Variants in LRP4 observed in about 807,000 individuals in gnomAD.
The protein encoded by LRP4 is low-density lipoprotein receptor-related protein 4.
In LRP4, 95 loss-of-function variants were observed where a neutral mutation model predicts 220.3. The ratio of observed to expected loss-of-function variants is 0.43; its 90% confidence interval spans 0.37 to 0.51. The LOEUF (loss-of-function observed/expected upper bound fraction) is 0.51. Ranked by LOEUF, LRP4 falls within the 20% of genes least tolerant of loss-of-function variation. LRP4 has a pLI of 0.00. For synonymous variants in LRP4, 903 were observed against 954.6 expected, an observed-to-expected ratio of 0.95 and a Z score of 1.00; for missense variants, 1,925 against 2,567.0, an observed-to-expected ratio of 0.75 and a Z score of 5.40.
intron 1 of LRP4, among the ~76,000 whole-genome samples, chr11:46,903,223 A>C (rs1306861059): frequency 4.6e-5 from 7 of 152,202 alleles, no homozygotes. Flanking sequence ...GGCTAGGCAC[A>C]GTGGCTCATA....
At chr11:46,885,299 G>A (rs1226863577) in intron 18 of LRP4, among the ~76,000 whole-genome samples, 2 of 152,116 alleles carry the variant, frequency 1.3e-5, no homozygotes, top group Non-Finnish European at 1.5e-5. Context: ...GCCCAGCCCT[G>A]ATTCAGTAAG....
chr11:46,863,064 A>G (rs1218921747), intron 36 of LRP4: 10 of 372,646 alleles, frequency 2.7e-5, no homozygotes, highest in African/African-American at 1.2e-4. Context: ...AAGTTGTCCT[A>G]TGGAGAGGCC....
In LRP4 at chr11:46,868,709, G is replaced by C; in HGVS notation, c.4842C>G (p.Thr1614=). 3 of 1,607,492 alleles carry C rather than the reference G, an allele frequency of 1.9e-6. No homozygotes were observed. Among genetic ancestry groups the C allele is most frequent in the Non-Finnish European group, 2.6e-6 (3 of 1,173,900 alleles). The change falls in exon 33 of 38, where the codon ACC becomes ACG. Residue 1614 remains threonine, a synonymous_variant. Transcript: ENST00000378623. ...CACCATTGTTCACACCACAGGCATT[G>C]GTCCCTGGAGGCAAAGTAGATGAAT... ...IVVSPQRQTG[T]NACGVNNGGC... is the part of the protein sequence containing the mutation.
intron 15 of LRP4, 118 bp downstream of exon 15, chr11:46,889,826 T>A: frequency 8.4e-7 from 1 of 1,190,626 alleles, no homozygotes; most frequent in Non-Finnish European, 1.2e-6. Flanking sequence ...GTCAGTGCCC[T>A]GCTGGATTTC....
intron 2 of LRP4, 52 bp downstream of exon 2, chr11:46,902,731 C>T: frequency 3.1e-6 from 5 of 1,609,514 alleles, no homozygotes; most frequent in Middle Eastern, 1.8e-4. Context: ...CCTTGCCCCC[C>T]ACCCCCAGGT....
At chr11:46,901,982 C>T (rs1941674962) in intron 2 of LRP4, among the ~76,000 whole-genome samples, 2 of 151,880 alleles carry the variant, frequency 1.3e-5, no homozygotes, top group Admixed American at 6.5e-5. Flanking sequence ...ATCTGCCCAC[C>T]TCAGCCTCCC....
intron 2 of LRP4, 45 bp downstream of exon 2, chr11:46,902,738 A>C: frequency 1.9e-6 from 3 of 1,604,970 alleles, no homozygotes; most frequent in Non-Finnish European, 2.6e-6. Flanking sequence ...CCCCACCCCC[A>C]GGTCCCTCTC....
Position 46,896,347 on chromosome 11 carries a change from G to T in LRP4, c.923-12C>A, listed in dbSNP as rs763476600. ...ACATTGGGGGCTTCCTAGAGAGATGGAGGGTCAGGTCATAGCAAGGCAGGG... is the reference window on the plus strand; with the variant it reads ...ACATTGGGGGCTTCCTAGAGAGATGTAGGGTCAGGTCATAGCAAGGCAGGG... On this transcript the variant is annotated splice_polypyrimidine_tract_variant and intron_variant, in intron 8 of 37. Transcript: ENST00000378623. The T allele has an allele frequency of 6.2e-7, 1 of 1,613,018 alleles. No individual in the cohort carries two copies. The highest frequency in any genetic ancestry group is 1.1e-5 in the South Asian group (1 of 91,070).
intron 34 of LRP4, 149 bp from the exon 35 acceptor site, chr11:46,865,335 A>G: frequency 1.4e-6 from 1 of 704,452 alleles, no homozygotes; most frequent in East Asian, 2.7e-5. Context: ...GGAGAGGGCA[A>G]CAACAGGAAA....
intron 36 of LRP4, 55 bp from the exon 37 acceptor site, chr11:46,862,802 T>C: frequency 6.5e-7 from 1 of 1,533,496 alleles, no homozygotes; most frequent in Non-Finnish European, 9.0e-7. Flanking sequence ...GGATGATACC[T>C]GGGAAAGCTG....
rs1224119774 is a variant in LRP4, at chr11:46,862,606, CTCTT to C, written c.5381_5384del (p.Lys1794ArgfsTer16). 4 of 1,613,922 alleles carry C rather than the reference CTCTT, an allele frequency of 2.5e-6. No individual in the cohort carries two copies. Among genetic ancestry groups the C allele is most frequent in the Non-Finnish European group, 3.4e-6 (4 of 1,179,984 alleles). On this transcript the variant is annotated frameshift_variant and splice_region_variant, in exon 37 of 38. Transcript: ENST00000378623. LOFTEE classifies it high-confidence loss of function. ...CTTGAATATAAATTTCAATTTTTAC[CTCTT>C]TCTTATAGCACAGCTGGTTGTACAT...
chr11:46,868,752 A>G, intron 32 of LRP4, 39 bp from the exon 33 acceptor site: 5 of 1,459,584 alleles, frequency 3.4e-6, no homozygotes, highest in Non-Finnish European at 3.8e-6. Context: ...CTGGGACAGA[A>G]TCAGGTCTCC....
In LRP4 at chr11:46,876,685, G is replaced by A. The variant is rs1443064311; in HGVS notation, c.3365-48C>T. 2.5e-6 allele frequency: 4 copies of A among 1,614,002 alleles called. No homozygotes were observed. The South Asian group carries it at 4.4e-5, about 18-fold the overall frequency. ...ACTGGCTCCTATTTTAAAACAGATG[G>A]GCTATTTCCCCAGCCCTGTTGCCAG... On this transcript the variant is annotated intron_variant, in intron 24 of 37. Coordinates refer to ENST00000378623, the MANE Select transcript of LRP4 (RefSeq NM_002334.4).
chr11:46,870,888 T>C (rs1940844702), intron 31 of LRP4, among the ~76,000 whole-genome samples: 2 of 152,242 alleles, frequency 1.3e-5, no homozygotes, highest in Non-Finnish European at 2.9e-5. Flanking sequence ...GGTACTATGC[T>C]AATGCTTTGT....
Position 46,864,524 on chromosome 11 carries a change from G to A in LRP4, c.5167C>T (p.His1723Tyr), listed in dbSNP as rs778710722. The change falls in exon 36 of 38, where the codon CAT (histidine) becomes TAT (tyrosine). Residue 1723 changes from histidine (H) to tyrosine (Y), a missense_variant. His to Tyr is a moderately conservative substitution (Grantham distance 83, BLOSUM62 2). This residue lies in a region of LRP4 where 1,244 missense variants were observed against 1,624.9 expected (regional missense o/e 0.77). Transcript: ENST00000378623. ...AVPAAPGEGL[H>Y]ISYAIGGLLS... ...AGTCCACCAATGGCGTAGCTGATAT[G>A]AAGTCCTTCCCCTAGGAAGAATAGA... 1.2e-6 allele frequency: 2 copies of A among 1,611,950 alleles called. No homozygotes were observed. The highest frequency in any genetic ancestry group is 4.5e-5 in the East Asian group (2 of 44,868).
intron 36 of LRP4, 146 bp from the exon 37 acceptor site, chr11:46,862,893 C>T: frequency 1.4e-6 from 1 of 721,848 alleles, no homozygotes; most frequent in Admixed American, 2.0e-5. Flanking sequence ...AGAATCCCCT[C>T]CCCTTGAGTG....
rs141085397 is a variant in LRP4 at position 46,873,702 on chromosome 11, G to C, written c.4230-109C>G. 5.0e-6 allele frequency: 4 copies of C among 797,196 alleles called. No homozygotes were observed. The East Asian group carries it at 1.0e-4, about 20-fold the overall frequency. 49.4% of individuals were successfully genotyped at this position (797,196 alleles called of 1,614,324 possible). A position where few individuals can be genotyped will look rare whatever the true frequency, so the allele number is the denominator to read the frequency against. Reference sequence around the variant, plus strand: ...CCCACTGAACTGTAAGCTCCACAGGGATAGAGACCAGGTATCTATGAGTAC... The same window carrying C: ...CCCACTGAACTGTAAGCTCCACAGGCATAGAGACCAGGTATCTATGAGTAC... On this transcript the variant is annotated intron_variant, in intron 28 of 37. Transcript: ENST00000378623. The surrounding 1 kb of genome is among the most constrained non-coding windows in gnomAD (Gnocchi z 4.2).
At chr11:46,865,693 G>A (rs1214780287) in intron 34 of LRP4, among the ~76,000 whole-genome samples, 2 of 152,146 alleles carry the variant, frequency 1.3e-5, no homozygotes, top group Admixed American at 6.5e-5. Flanking sequence ...CTTCTTTGTG[G>A]TACATTATGA....
rs1208850907 is a variant in LRP4, at chr11:46,862,629, T to G, written c.5362A>C (p.Asn1788His). Reference sequence around the variant, plus strand: ...ACCTCTTTCTTATAGCACAGCTGGTTGTACATGGCTGGTTTGGGGATTGCT... The same window carrying G: ...ACCTCTTTCTTATAGCACAGCTGGTGGTACATGGCTGGTTTGGGGATTGCT... ...IEAIPKPAMY[N>H]QLCYKKEGGP... The change falls in exon 37 of 38, where the codon AAC becomes CAC. Residue 1788 changes from asparagine to histidine, a missense_variant. This residue lies in a region of LRP4 where 1,244 missense variants were observed against 1,624.9 expected (regional missense o/e 0.77). Transcript: ENST00000378623. 5.6e-6 allele frequency: 9 copies of G among 1,614,070 alleles called. No homozygotes were observed. The highest frequency in any genetic ancestry group is 7.6e-6 in the Non-Finnish European group (9 of 1,180,046).
Sources: gnomAD v4.1 joint callset for allele counts (sites outside exome capture counted in the v4.1 genomes callset) on GRCh38, gnomAD v4.1.1 for gene constraint, gnomAD v4.1.1 regional missense constraint, Gnocchi (gnomAD v3.1) non-coding constraint, MANE v1.5 for transcripts, NCBI Gene and HGNC (gene_info 2026-07-23, HGNC 2026-07-21) for gene names.